The following SGCZ variants were observed in gnomAD, a reference collection of about 807,000 sequenced individuals.
SGCZ encodes zeta-sarcoglycan.
In SGCZ, 40 loss-of-function variants were observed where a neutral mutation model predicts 41.3. The ratio of observed to expected loss-of-function variants is 0.97; its 90% CI spans 0.75 to 1.26. The LOEUF (loss-of-function observed/expected upper bound fraction) is 1.26, where lower values mean the gene tolerates loss of function less well. SGCZ is among the 50% of genes most tolerant of loss of function. SGCZ has a pLI of 0.00. For missense variants in SGCZ, 552 were observed against 369.8 expected, an observed-to-expected ratio of 1.49 and a Z score of -4.04; for synonymous variants, 206 against 137.5, an observed-to-expected ratio of 1.50 and a Z score of -3.49.
chr8:14,720,280 G>C (rs961627407), intron 1 of SGCZ, among the ~76,000 whole-genome samples: 7 of 151,764 alleles, frequency 4.6e-5, no homozygotes, highest in African/African-American at 1.7e-4. Flanking sequence ...AAAATTCACA[G>C]TTTGCTTCTC....
At chr8:14,983,465 T>A (rs988122317) in intron 1 of SGCZ, among the ~76,000 whole-genome samples, 1 of 152,072 alleles carries the variant, frequency 6.6e-6, no homozygotes, top group Non-Finnish European at 1.5e-5. Flanking sequence ...CTGCAAACTC[T>A]ACCTCCTGGG....
intron 2 of SGCZ, among the ~76,000 whole-genome samples, chr8:14,465,532 C>G (rs1240824504): frequency 6.6e-6 from 1 of 151,692 alleles, no homozygotes. Flanking sequence ...TTTCTAACTT[C>G]TGTGATTTTC....
chr8:15,234,241 C>A (rs1802051268), intron 1 of SGCZ, among the ~76,000 whole-genome samples: 1 of 152,178 alleles, frequency 6.6e-6, no homozygotes, highest in Non-Finnish European at 1.5e-5. Context: ...TAAATCTCGA[C>A]TGCTAAAAGG....
chr8:15,155,911 A>G (rs2117028602), intron 1 of SGCZ, among the ~76,000 whole-genome samples: 1 of 152,104 alleles, frequency 6.6e-6, no homozygotes, highest in East Asian at 2.0e-4. Context: ...ACAAAAAATC[A>G]GTCAGGTGTA....
rs369751048 is a variant in SGCZ, at chr8:14,716,427, A to T, written c.40-161501T>A. 2.0e-5 allele frequency among the ~76,000 whole-genome samples: 3 copies of T among 152,116 alleles called. No individual in the cohort carries two copies. In the South Asian group the frequency reaches 6.2e-4, roughly 31 times the overall value. On this transcript the variant is annotated intron_variant, in intron 1 of 7. Transcript: ENST00000382080. Reference sequence around the variant, plus strand: ...TAGCATATTGATTATTAATCTATACAGATATACATCTCCCAAAACTGAATG... The same window carrying T: ...TAGCATATTGATTATTAATCTATACTGATATACATCTCCCAAAACTGAATG...
chr8:14,110,935 T>A (rs1373797420), intron 5 of SGCZ, among the ~76,000 whole-genome samples: 3 of 152,022 alleles, frequency 2.0e-5, no homozygotes, highest in Admixed American at 2.0e-4. Flanking sequence ...TGCACAGTAG[T>A]CCCAGCTGCT....
intron 2 of SGCZ, among the ~76,000 whole-genome samples, chr8:14,398,592 G>C (rs970244113): frequency 3.9e-5 from 6 of 152,046 alleles, no homozygotes; most frequent in East Asian, 1.9e-4. Flanking sequence ...AGTTGCCTTG[G>C]GGAGTGCTCT....
intron 1 of SGCZ, among the ~76,000 whole-genome samples, chr8:14,706,689 A>T (rs1359590821): frequency 6.6e-6 from 1 of 152,154 alleles, no homozygotes; most frequent in East Asian, 1.9e-4. Flanking sequence ...AGAAGCAAAC[A>T]CACTGATGCG....
intron 1 of SGCZ, among the ~76,000 whole-genome samples, chr8:15,204,965 T>C (rs1801014094): frequency 6.6e-6 from 1 of 152,164 alleles, no homozygotes; most frequent in Non-Finnish European, 1.5e-5. Context: ...TAAAATCTTT[T>C]ATTCTAATTA....
At chr8:14,165,476 T>A (rs1804179914) in intron 4 of SGCZ, 1 of 152,264 alleles carries the variant, frequency 6.6e-6, no homozygotes, top group African/African-American at 2.4e-5. Flanking sequence ...TAACTGGGCC[T>A]TGAAGGTGAA....
intron 1 of SGCZ, among the ~76,000 whole-genome samples, chr8:14,763,398 C>G (rs1247832532): frequency 6.6e-6 from 1 of 152,176 alleles, no homozygotes; most frequent in African/African-American, 2.4e-5. Flanking sequence ...CACTTACAAG[C>G]ATAATTTAAT....
chr8:14,326,111 C>CAAAAAAAAAAAAAAAAAAAAA lies in SGCZ; in HGVS notation c.235-1908_235-1907insTTTTTTTTTTTTTTTTTTTTT, dbSNP rs56152915. On this transcript the variant is annotated intron_variant, in intron 2 of 7. Coordinates refer to ENST00000382080, the MANE Select transcript of SGCZ (RefSeq NM_139167.4). ...TGGGCGAAAGAGTGAGACTCCGTCT[C>CAAAAAAAAAAAAAAAAAAAAA]AAAAAAAAAAAAAAAAAAAGATGAG... Among the ~76,000 whole-genome samples the CAAAAAAAAAAAAAAAAAAAAA allele has an allele frequency of 2.1e-3, 78 of 37,904 alleles. 28 individuals are homozygous for CAAAAAAAAAAAAAAAAAAAAA. The highest frequency in any genetic ancestry group is 6.7e-3 in the Admixed American group (12 of 1,790). The allele number at this position is 37,904 out of a possible 152,430, so 24.9% of individuals were successfully genotyped here.
At chr8:15,044,400 G>A (rs1804225901) in intron 1 of SGCZ, among the ~76,000 whole-genome samples, 1 of 152,064 alleles carries the variant, frequency 6.6e-6, no homozygotes, top group African/African-American at 2.4e-5. Context: ...TCTTTGGCAG[G>A]CATCCTGTAT....
chr8:14,931,614 C>T (rs1326277547), intron 1 of SGCZ, among the ~76,000 whole-genome samples: 2 of 151,838 alleles, frequency 1.3e-5, no homozygotes, highest in East Asian at 3.9e-4. Context: ...GCTCTGGAGC[C>T]ATTTAGATAA....
At chr8:15,067,242 G>A (rs1805186315) in intron 1 of SGCZ, among the ~76,000 whole-genome samples, 1 of 151,846 alleles carries the variant, frequency 6.6e-6, no homozygotes, top group Admixed American at 6.6e-5. Flanking sequence ...CACCAACCCT[G>A]CACACTACAC....
intron 1 of SGCZ, among the ~76,000 whole-genome samples, chr8:15,093,290 T>TA (rs1585554821): frequency 3.3e-5 from 5 of 152,216 alleles, no homozygotes; most frequent in Admixed American, 3.3e-4. Flanking sequence ...AGTACCGACT[T>TA]CTCTGAGTCA....
At chr8:14,396,942 T>C (rs923638882) in intron 2 of SGCZ, among the ~76,000 whole-genome samples, 1 of 152,138 alleles carries the variant, frequency 6.6e-6, no homozygotes, top group South Asian at 2.1e-4. Context: ...ATGTGCTGAA[T>C]TGCTTTAAGA....
intron 1 of SGCZ, among the ~76,000 whole-genome samples, chr8:14,590,988 A>T (rs965545854): frequency 2.6e-5 from 4 of 151,114 alleles, no homozygotes; most frequent in Non-Finnish European, 4.4e-5. Context: ...TCTTTATGTA[A>T]CACTTTTCAC....
intron 1 of SGCZ, among the ~76,000 whole-genome samples, chr8:14,943,086 G>A (rs1271718694): frequency 6.6e-6 from 1 of 151,998 alleles, no homozygotes; most frequent in Non-Finnish European, 1.5e-5. Context: ...TACTTCACTA[G>A]AACTCACAGA....
Sources: allele counts gnomAD v4.1 joint callset (sites outside exome capture counted in the v4.1 genomes callset), GRCh38; gene constraint gnomAD v4.1.1; transcripts MANE v1.5; gene names NCBI Gene and HGNC (gene_info 2026-07-23, HGNC 2026-07-21).